WWTR1: variants seen among roughly 807,000 people sequenced by gnomAD.
WWTR1 encodes the protein WW domain-containing transcription regulator protein 1.
WWTR1 carries 13 observed loss-of-function variants against 40.1 expected under a neutral mutation model. The observed-to-expected ratio is 0.32, with a 90% CI of 0.21 to 0.52. The LOEUF (loss-of-function observed/expected upper bound fraction) is 0.52, where lower values mean the gene tolerates loss of function less well. WWTR1 is among the 20% of genes least tolerant of loss of function. The pLI is 0.97. For missense variants in WWTR1, 436 were observed against 523.1 expected (o/e 0.83, Z 1.63); for synonymous variants, 230 against 210.1 (o/e 1.09, Z -0.82).
intron 2 of WWTR1, among the ~76,000 whole-genome samples, chr3:149,578,453 C>T (rs1480944496): frequency 6.6e-6 from 1 of 152,222 alleles, no homozygotes; most frequent in Non-Finnish European, 1.5e-5. Context: ...GAAGGCAGCT[C>T]TGGCCTTCCA....
upstream of WWTR1, among the ~76,000 whole-genome samples, chr3:149,707,167 C>T (rs979045269): frequency 6.6e-6 from 1 of 152,144 alleles, no homozygotes; most frequent in African/African-American, 2.4e-5. Context: ...AAAGCAAGGA[C>T]AAGGAGCCAA....
At chr3:149,635,049 G>A (rs1036109922) in intron 2 of WWTR1, among the ~76,000 whole-genome samples, 19 of 152,186 alleles carry the variant, frequency 1.2e-4, no homozygotes, top group Non-Finnish European at 1.9e-4. Context: ...CTTGACCAAA[G>A]AGCCCTGTAT....
intron 2 of WWTR1, among the ~76,000 whole-genome samples, chr3:149,596,084 G>T (rs1738992365): frequency 1.3e-5 from 2 of 151,964 alleles, no homozygotes; most frequent in African/African-American, 4.8e-5. Context: ...TCCATAAACT[G>T]GTATTGTCTT....
chr3:149,557,071 T>C (rs1736863186), intron 3 of WWTR1, among the ~76,000 whole-genome samples: 3 of 129,442 alleles, frequency 2.3e-5, no homozygotes, highest in Non-Finnish European at 4.9e-5. Flanking sequence ...CTTTTTTTTT[T>C]TTTTTTTTTT....
At position 149,691,341 on chromosome 3, in the gene WWTR1, T is replaced by TA. The variant is rs1714820630; in HGVS notation, c.-108+11782dup. On this transcript the variant is annotated intron_variant, in intron 1 of 7. Transcript: ENST00000465804. ...AGCAGAAATAAACAAAAATGAAATTTAAAAAACAATACAAAGGAACAATAA... is the reference window on the plus strand; with the variant it reads ...AGCAGAAATAAACAAAAATGAAATTTAAAAAAACAATACAAAGGAACAATAA... 2.0e-5 allele frequency among the ~76,000 whole-genome samples: 3 copies of TA among 149,150 alleles called. No homozygotes were observed. In the South Asian group the frequency reaches 6.3e-4, roughly 31 times the overall value.
intron 1 of WWTR1, among the ~76,000 whole-genome samples, chr3:149,697,476 T>A (rs1715032781): frequency 6.6e-6 from 1 of 152,182 alleles, no homozygotes; most frequent in Admixed American, 6.5e-5. Flanking sequence ...TCCATGTTCA[T>A]GGACTGGAAG....
At chr3:149,605,018 G>A (rs975467995) in intron 2 of WWTR1, among the ~76,000 whole-genome samples, 2 of 152,180 alleles carry the variant, frequency 1.3e-5, no homozygotes, top group African/African-American at 4.8e-5. Context: ...AAGGAGGGAA[G>A]GGTCACTAAT....
intron 1 of WWTR1, among the ~76,000 whole-genome samples, chr3:149,681,918 A>G (rs78848475): frequency 0.021 from 3,166 of 152,294 alleles, 116 homozygotes; most frequent in African/African-American, 0.073. Flanking sequence ...GGGAGTTGCT[A>G]AAGTTTCAGT....
Position 149,563,015 on chromosome 3 carries a change from C to A in WWTR1, c.568+9849G>T, listed in dbSNP as rs777524759. Among the ~76,000 whole-genome samples, 45 of 152,098 alleles carry A rather than the reference C, an allele frequency of 3.0e-4. 1 individual carries two copies. Among genetic ancestry groups the A allele is most frequent in the Admixed American group, 1.3e-4 (2 of 15,270 alleles). On this transcript the variant is annotated intron_variant, in intron 3 of 6. Coordinates refer to ENST00000360632, the MANE Select transcript of WWTR1 (RefSeq NM_015472.6). ...GGCTGAATGACAAACCACCTCGAAT[C>A]CCACTGCCTGCCTTTCACCCTTAAC...
chr3:149,542,479 G>A lies in WWTR1; in HGVS notation c.627C>T (p.His209=). Residue 209 remains histidine, a synonymous_variant, in exon 4 of 7, where the codon CAC becomes CAT. Transcript: ENST00000360632. Reference sequence around the variant, plus strand: ...GCCCTGCGGGTGGGTTCTGAGTGGGGTGGTTCTGCTGGCTCAGGGTACTGG... The same window carrying A: ...GCCCTGCGGGTGGGTTCTGAGTGGGATGGTTCTGCTGGCTCAGGGTACTGG... ...MAPSTLSQQN[H]PTQNPPAGLM... 6.2e-7 allele frequency: 1 copy of A among 1,614,038 alleles called. No homozygotes were observed. Among genetic ancestry groups the A allele is most frequent in the Non-Finnish European group, 8.5e-7 (1 of 1,179,938 alleles).
intron 2 of WWTR1, among the ~76,000 whole-genome samples, chr3:149,615,528 A>G (rs1308662189): frequency 6.6e-6 from 1 of 152,260 alleles, no homozygotes; most frequent in Admixed American, 6.5e-5. Flanking sequence ...GAATATTTCC[A>G]TAATACAAAG....
chr3:149,545,776 C>A (rs1736335901), intron 3 of WWTR1, among the ~76,000 whole-genome samples: 1 of 152,254 alleles, frequency 6.6e-6, no homozygotes, highest in Admixed American at 6.5e-5. Context: ...CTGCCTCAGC[C>A]TCCCAAAGTG....
At chr3:149,615,397 T>A (rs1379262998) in intron 2 of WWTR1, among the ~76,000 whole-genome samples, 1 of 152,224 alleles carries the variant, frequency 6.6e-6, no homozygotes, top group Non-Finnish European at 1.5e-5. Flanking sequence ...ATTACAAATT[T>A]AAAACATTTC....
At chr3:149,522,350 T>G (rs568714454) in intron 6 of WWTR1, among the ~76,000 whole-genome samples, 4 of 152,298 alleles carry the variant, frequency 2.6e-5, no homozygotes, top group African/African-American at 9.6e-5. Context: ...ATCATCCAAT[T>G]TGGATTTTGG....
intron 4 of WWTR1, among the ~76,000 whole-genome samples, chr3:149,528,348 T>C (rs1256799330): frequency 1.3e-5 from 2 of 152,220 alleles, no homozygotes; most frequent in African/African-American, 4.8e-5. Flanking sequence ...ATCAGACTCC[T>C]CTGGACTATA....
chr3:149,702,462 G>A (rs999536394), intron 1 of WWTR1: 1 of 104,432 alleles, frequency 9.6e-6, no homozygotes, highest in African/African-American at 3.1e-5. Flanking sequence ...ACCTCTCTAA[G>A]CCTTATTATT....
At chr3:149,650,950 T>C (rs1428584070) in intron 2 of WWTR1, among the ~76,000 whole-genome samples, 1 of 152,242 alleles carries the variant, frequency 6.6e-6, no homozygotes, top group Non-Finnish European at 1.5e-5. Flanking sequence ...AGGTTTCTGC[T>C]TCTGATTTTG....
At chr3:149,564,290 TGGAC>T (rs1737209810) in intron 3 of WWTR1, among the ~76,000 whole-genome samples, 1 of 152,198 alleles carries the variant, frequency 6.6e-6, no homozygotes, top group South Asian at 2.1e-4. Flanking sequence ...GTGGTAGATC[TGGAC>T]CACGCTTGGA....
chr3:149,616,965 A>G (rs1276165468), intron 2 of WWTR1, among the ~76,000 whole-genome samples: 1 of 152,186 alleles, frequency 6.6e-6, no homozygotes, highest in Admixed American at 6.5e-5. Flanking sequence ...CATAGGCCAG[A>G]GAGTCTAATA....
Sources: gnomAD v4.1 joint callset for allele counts (sites outside exome capture counted in the v4.1 genomes callset) on GRCh38, gnomAD v4.1.1 for gene constraint, MANE v1.5 for transcripts, NCBI Gene and HGNC (gene_info 2026-07-23, HGNC 2026-07-21) for gene names.